Variants in PCDH11X observed in about 807,000 individuals in gnomAD.
The protein encoded by PCDH11X is protocadherin 11 X-linked, also known as protocadherin-11 X-linked.
Under a neutral mutation model 53.3 loss-of-function variants are expected in PCDH11X, and 18 were observed. That is an observed-to-expected ratio of 0.34 (90% CI 0.23 to 0.50). The LOEUF is 0.50. PCDH11X is among the 20% of genes least tolerant of loss of function. PCDH11X has a pLI of 0.98. For missense variants in PCDH11X, 570 were observed against 1,032.4 expected, an observed-to-expected ratio of 0.55 and a Z score of 6.14; for synonymous variants, 279 against 393.3, an observed-to-expected ratio of 0.71 and a Z score of 3.44.
intron 10 of PCDH11X, among the ~76,000 whole-genome samples, chrX:92,558,352 T>C (rs1201701846): frequency 8.9e-6 from 1 of 111,810 alleles, no homozygotes; most frequent in African/African-American, 3.3e-5. Flanking sequence ...ATGAGTTGTC[T>C]TTTAAAAAGG....
chrX:92,233,285 A>T (rs1244482540), intron 7 of PCDH11X, among the ~76,000 whole-genome samples: 3 of 110,166 alleles, frequency 2.7e-5, no homozygotes, highest in African/African-American at 9.9e-5. Context: ...GTCCTTTCCC[A>T]TTTTTTTAAT....
intron 9 of PCDH11X, among the ~76,000 whole-genome samples, chrX:92,433,434 T>G (rs2148627447): frequency 9.1e-6 from 1 of 110,069 alleles, no homozygotes; most frequent in East Asian, 2.9e-4. Flanking sequence ...TCACTCACCC[T>G]TTAGGATTAT....
intron 10 of PCDH11X, among the ~76,000 whole-genome samples, chrX:92,534,238 C>T (rs1011522443): frequency 9.0e-6 from 1 of 110,930 alleles, no homozygotes; most frequent in Non-Finnish European, 1.9e-5. Context: ...AACCATGGCA[C>T]GAGAACTACG....
intron 7 of PCDH11X, among the ~76,000 whole-genome samples, chrX:92,258,658 C>T (rs893560416): frequency 1.8e-5 from 2 of 112,045 alleles, no homozygotes; most frequent in African/African-American, 3.2e-5. Flanking sequence ...TGAGCCACTG[C>T]ATCCGGCCTA....
chrX:92,590,432 G>C (rs1924916472), intron 10 of PCDH11X, among the ~76,000 whole-genome samples: 2 of 111,299 alleles, frequency 1.8e-5, no homozygotes, highest in South Asian at 7.5e-4. Context: ...GTGATCTCTG[G>C]CAGCTGCTTA....
At chrX:92,514,813 C>T (rs1377646342) in intron 10 of PCDH11X, among the ~76,000 whole-genome samples, 2 of 108,099 alleles carry the variant, frequency 1.9e-5, no homozygotes, top group Admixed American at 9.9e-5. Flanking sequence ...CTTGGGAGGC[C>T]GAGGCAGGCA....
At chrX:92,512,407 T>C (rs2074178540) in intron 10 of PCDH11X, among the ~76,000 whole-genome samples, 1 of 111,873 alleles carries the variant, frequency 8.9e-6, no homozygotes, top group South Asian at 3.7e-4. Context: ...AATATAATGA[T>C]AATAAATTCA....
chrX:92,035,866 G>A (rs2063119137), intron 6 of PCDH11X, among the ~76,000 whole-genome samples: 1 of 7,687 alleles, frequency 1.3e-4, no homozygotes, highest in South Asian at 8.0e-3. Flanking sequence ...TATCTACGTT[G>A]ACTTTTCAAA....
intron 7 of PCDH11X, among the ~76,000 whole-genome samples, chrX:92,222,627 C>A (rs59475102): frequency 0.17 from 18,644 of 111,428 alleles, 1,315 homozygotes; most frequent in Admixed American, 0.29. Context: ...TATTGATACT[C>A]TCACCAGGTT....
chrX:92,248,801 C>G (rs2067401811), intron 7 of PCDH11X, among the ~76,000 whole-genome samples: 1 of 111,076 alleles, frequency 9.0e-6, no homozygotes, highest in Non-Finnish European at 1.9e-5. Flanking sequence ...CTCCTGGGTT[C>G]AAGCAATTCT....
intron 8 of PCDH11X, among the ~76,000 whole-genome samples, chrX:92,360,352 G>C (rs755489813): frequency 3.6e-5 from 4 of 110,860 alleles, no homozygotes; most frequent in Non-Finnish European, 7.6e-5. Flanking sequence ...AGCATCATTC[G>C]CATTTCTACA....
At chrX:92,544,160 T>C (rs2074806285) in intron 10 of PCDH11X, among the ~76,000 whole-genome samples, 1 of 111,269 alleles carries the variant, frequency 9.0e-6, no homozygotes, top group Non-Finnish European at 1.9e-5. Context: ...GTACCACTTA[T>C]TTTTATTGAA....
At chrX:92,255,362 T>C (rs1180896015) in intron 7 of PCDH11X, among the ~76,000 whole-genome samples, 1 of 96,294 alleles carries the variant, frequency 1.0e-5, no homozygotes, top group African/African-American at 3.8e-5. Flanking sequence ...TTCAAAGCTT[T>C]CAACTTCTTT....
In PCDH11X at chrX:92,382,633, G is replaced by C. The variant is rs1382237841; in HGVS notation, c.3145-5102G>C. Among the ~76,000 whole-genome samples the C allele has an allele frequency of 4.5e-5, 5 of 111,747 alleles. No homozygotes were observed. The East Asian group carries it at 1.4e-3, about 31-fold the overall frequency. On this transcript the variant is annotated intron_variant, in intron 8 of 10. Transcript: ENST00000682573. ...ACCAATATAATTTCTGGGTATTGTT[G>C]TGTTCTGGAATTTTGATTCATTTGA... is the stretch of plus-strand genomic sequence containing the variant.
intron 6 of PCDH11X, among the ~76,000 whole-genome samples, chrX:91,901,690 C>T (rs1196356276): frequency 1.8e-5 from 2 of 111,417 alleles, no homozygotes; most frequent in Non-Finnish European, 3.8e-5. Context: ...CACTTCATTC[C>T]ATGAATGTGG....
chrX:91,845,647 G>A (rs1937621026), intron 5 of PCDH11X, among the ~76,000 whole-genome samples: 1 of 111,372 alleles, frequency 9.0e-6, no homozygotes, highest in Non-Finnish European at 1.9e-5. Flanking sequence ...CTTCTGTATA[G>A]GCTATTTATA....
chrX:91,808,923 A>T (rs1488646824), intron 1 of PCDH11X, among the ~76,000 whole-genome samples: 1 of 109,254 alleles, frequency 9.2e-6, no homozygotes, highest in African/African-American at 3.4e-5. Context: ...GATCATATTT[A>T]TCTTTAGTAA....
chrX:91,998,281 C>T (rs1199803383), intron 6 of PCDH11X, among the ~76,000 whole-genome samples: 2 of 110,088 alleles, frequency 1.8e-5, no homozygotes, highest in African/African-American at 6.6e-5. Context: ...TGTATGTTTC[C>T]AGAAATTAAT....
intron 8 of PCDH11X, among the ~76,000 whole-genome samples, chrX:92,295,792 C>A (rs1293114561): frequency 1.0e-5 from 1 of 99,047 alleles, no homozygotes; most frequent in African/African-American, 3.7e-5. Flanking sequence ...TTAAAAAGAT[C>A]ATGTGGGTTG....
Sources: allele counts gnomAD v4.1 joint callset (sites outside exome capture counted in the v4.1 genomes callset), GRCh38; gene constraint gnomAD v4.1.1; transcripts MANE v1.5; gene names NCBI Gene and HGNC (gene_info 2026-07-23, HGNC 2026-07-21).